NRL: variants seen among roughly 807,000 people sequenced by gnomAD.
The protein encoded by NRL is neural retina leucine zipper.
NRL carries 16 observed loss-of-function variants against 12.5 expected under a neutral mutation model. The observed-to-expected ratio is 1.28, with a 90% CI of 0.87 to 1.95. The LOEUF (loss-of-function observed/expected upper bound fraction) is 1.95. NRL is among the 30% of genes most tolerant of loss of function. NRL has a pLI of 0.00. For missense variants in NRL, 314 were observed against 325.8 expected, an observed-to-expected ratio of 0.96 and a Z score of 0.28; for synonymous variants, 142 against 150.9, an observed-to-expected ratio of 0.94 and a Z score of 0.43.
At position 24,087,190 on chromosome 14, in the gene NRL, G is replaced by A. The variant is rs537616353; in HGVS notation, c.-27-4315C>T. Among the ~76,000 whole-genome samples the A allele has an allele frequency of 1.3e-4, 20 of 152,294 alleles. No individual in the cohort carries two copies. The South Asian group carries it at 3.5e-3, about 27-fold the overall frequency. ...GACAGAAAGATGTAGGCACATGGAC[G>A]AGATGGATAAAGAAAGGAAGTCTTC... On this transcript the variant is annotated intron_variant, in intron 1 of 2. Transcript: ENST00000561028.
chr14:24,091,255 AT>A (rs1462177222), intron 1 of NRL, among the ~76,000 whole-genome samples: 1 of 151,902 alleles, frequency 6.6e-6, no homozygotes, highest in African/African-American at 2.4e-5. Context: ...GGTTCAAGCG[AT>A]TCTCCTGCCT....
Position 24,079,222 on chromosome 14 carries a change from T to C in NRL, c.*2014A>G, listed in dbSNP as rs2036205653. ...AGTTGTGTGCTCAGGTGTCTATGGA[T>C]GGTTCTGTCTGTCTTTGTGTGCCAT... On this transcript the variant is annotated 3_prime_UTR_variant, in exon 3 of 3. Transcript: ENST00000561028. Among the ~76,000 whole-genome samples the C allele has an allele frequency of 6.6e-6, 1 of 152,190 alleles. No individual in the cohort carries two copies. Among genetic ancestry groups the C allele is most frequent in the Non-Finnish European group, 1.5e-5 (1 of 68,040 alleles).
chr14:24,110,359 T>C, intron 1 of NRL: 1 of 388,078 alleles, frequency 2.6e-6, no homozygotes, highest in Non-Finnish European at 5.3e-6. Flanking sequence ...GCTGCCCGCC[T>C]CAGCCTCTCA....
At chr14:24,104,277 G>C in intron 1 of NRL, 1 of 355,676 alleles carries the variant, frequency 2.8e-6, no homozygotes, top group South Asian at 2.9e-5. Flanking sequence ...CTGGGTCACA[G>C]ACATAGGAAT....
intron 1 of NRL, chr14:24,110,663 C>T (rs991871056): frequency 4.6e-5 from 7 of 152,364 alleles, no homozygotes; most frequent in Admixed American, 2.6e-4. Flanking sequence ...TTAACAATCC[C>T]ATATTGCAAG....
chr14:24,102,790 T>C, intron 1 of NRL: 1 of 1,614,004 alleles, frequency 6.2e-7, no homozygotes, highest in Non-Finnish European at 8.5e-7. Context: ...ACTCTCGATT[T>C]TGTGCCCCGG....
At position 24,103,187 on chromosome 14, in the gene NRL, A is replaced by G. The variant is rs1325649589; in HGVS notation, c.-28+11535T>C. On this transcript the variant is annotated intron_variant, in intron 1 of 2. Transcript: ENST00000561028. ...GTACCCCTGGTATACGAGGCCTTCA[A>G]CTGGCGTCATGGGGTGTTTGTGGGC... is the stretch of plus-strand genomic sequence containing the variant. 6 of 1,614,118 alleles carry G rather than the reference A, an allele frequency of 3.7e-6. No individual in the cohort carries two copies. The South Asian group carries it at 5.5e-5, about 15-fold the overall frequency.
At chr14:24,082,435 G>C in intron 2 of NRL, 33 bp downstream of exon 2, 1 of 1,611,402 alleles carries the variant, frequency 6.2e-7, no homozygotes, top group Non-Finnish European at 8.5e-7. Context: ...TCCTTGCCCT[G>C]CCTCCCCTCA....
At chr14:24,103,610 G>A (rs2037258362) in intron 1 of NRL, 1 of 1,613,320 alleles carries the variant, frequency 6.2e-7, no homozygotes, top group South Asian at 1.1e-5. Context: ...GGCGCAAGGG[G>A]GCCCAGCTGC....
Position 24,094,524 on chromosome 14 carries a change from C to G in NRL, c.-27-11649G>C, listed in dbSNP as rs1317319168. 42 of 1,447,896 alleles carry G rather than the reference C, an allele frequency of 2.9e-5. No homozygotes were observed. The East Asian group carries it at 1.1e-3, about 37-fold the overall frequency. 89.7% of individuals were successfully genotyped at this position (1,447,896 alleles called of 1,614,324 possible). A position where few individuals can be genotyped will look rare whatever the true frequency, so the allele number is the denominator to read the frequency against. On this transcript the variant is annotated intron_variant, in intron 1 of 2. Coordinates refer to ENST00000561028, the MANE Select transcript of NRL (RefSeq NM_001354768.3). The surrounding 1 kb of genome is among the most constrained non-coding windows in gnomAD (Gnocchi z 4.1). The stretch of plus-strand genomic sequence containing the variant: ...AGTGGCGCTCTCCTGCTCTCAGCCT[C>G]CGCCAGGTTTCCCATCCTAGGCGGA...
chr14:24,103,267 C>A, intron 1 of NRL: 1 of 1,598,802 alleles, frequency 6.3e-7, no homozygotes, highest in Non-Finnish European at 8.6e-7. Context: ...TGAGCACCCT[C>A]ACCATTCCTC....
At chr14:24,084,657 A>T in intron 1 of NRL, 1 of 985,458 alleles carries the variant, frequency 1.0e-6, no homozygotes, top group Non-Finnish European at 1.2e-6. Flanking sequence ...CCCAAAGGGC[A>T]TTCTTAAAGG....
chr14:24,082,521 G>T lies in NRL; in HGVS notation c.328C>A (p.Pro110Thr), dbSNP rs749497642. The change falls in exon 2 of 3, where the codon CCC becomes ACC. Residue 110 changes from proline (P) to threonine (T), a missense_variant. Transcript: ENST00000561028. ...GGGCTCCCTGGGTAGTAGCCATGGG[G>T]CCCATCAACAGGGACTGGGCCCTGA... Reference protein sequence around the residue: ...QGQGPVPVDGPHGYYPGSPEE... With the variant: ...QGQGPVPVDGTHGYYPGSPEE... 8.1e-6 allele frequency: 13 copies of T among 1,613,336 alleles called. No individual in the cohort carries two copies. Among genetic ancestry groups the T allele is most frequent in the Non-Finnish European group, 1.1e-5 (13 of 1,180,032 alleles).
intron 1 of NRL, chr14:24,103,747 G>A (rs539372532): frequency 2.4e-5 from 39 of 1,614,196 alleles, no homozygotes; most frequent in African/African-American, 1.1e-4. Flanking sequence ...GACAGTGCCC[G>A]AGAGACACCC....
Position 24,085,214 on chromosome 14 carries a change from G to A in NRL, c.-27-2339C>T, listed in dbSNP as rs184184271. ...CTCCAGGACTTGACCACCATATTTT[G>A]TCTCTCCCATTCTTGCTAATCCAGC... On this transcript the variant is annotated intron_variant, in intron 1 of 2. Transcript: ENST00000561028. This position sits in a 1 kb window ranked among gnomAD's most constrained non-coding sequence, Gnocchi z 4.1. Among the ~76,000 whole-genome samples the A allele has an allele frequency of 2.0e-5, 3 of 152,280 alleles. No individual in the cohort carries two copies. Among genetic ancestry groups the A allele is most frequent in the Admixed American group, 1.3e-4 (2 of 15,306 alleles).
rs111490053 is a variant in NRL, at chr14:24,103,507, C to A, written c.-28+11215G>T. On this transcript the variant is annotated intron_variant, in intron 1 of 2. Coordinates refer to ENST00000561028, the MANE Select transcript of NRL (RefSeq NM_001354768.3). ...TTCCTTACCCATCTTGCTTCCCCCCCAGGGAAGATCATCATGCACGACCCA... is the reference window on the plus strand; with the variant it reads ...TTCCTTACCCATCTTGCTTCCCCCCAAGGGAAGATCATCATGCACGACCCA... 1,230 of 1,542,154 alleles carry A rather than the reference C, an allele frequency of 8.0e-4. No individual in the cohort carries two copies. The highest frequency in any genetic ancestry group is 1.0e-3 in the South Asian group (81 of 78,826).
chr14:24,094,049 G>A lies in NRL; in HGVS notation c.-27-11174C>T, dbSNP rs1281232386. ...GAGTCCTCAAAGTTACATCATGTGC[G>A]GCTGGGAGGGCGGTGGCGGATGGGG... On this transcript the variant is annotated intron_variant, in intron 1 of 2. Transcript: ENST00000561028. This position sits in a 1 kb window ranked among gnomAD's most constrained non-coding sequence, Gnocchi z 4.1. 13 of 537,266 alleles carry A rather than the reference G, an allele frequency of 2.4e-5. No homozygotes were observed. The South Asian group carries it at 2.6e-4, about 11-fold the overall frequency. The allele number at this position is 537,266 out of a possible 1,614,324, so 33.3% of individuals were successfully genotyped here.
intron 1 of NRL, chr14:24,097,228 A>C: frequency 2.5e-6 from 3 of 1,185,324 alleles, no homozygotes; most frequent in Non-Finnish European, 3.7e-6. Flanking sequence ...GAACATCCCA[A>C]TGGAATGAAC....
intron 1 of NRL, among the ~76,000 whole-genome samples, chr14:24,109,456 G>A (rs746898169): frequency 1.3e-5 from 2 of 152,082 alleles, no homozygotes; most frequent in African/African-American, 2.4e-5. Context: ...AGCACTTTGG[G>A]AGGCCTAGGT....
Sources: allele counts gnomAD v4.1 joint callset (sites outside exome capture counted in the v4.1 genomes callset), GRCh38; gene constraint gnomAD v4.1.1; non-coding constraint Gnocchi (gnomAD v3.1); transcripts MANE v1.5; gene names NCBI Gene and HGNC (gene_info 2026-07-23, HGNC 2026-07-21).